The following C1QTNF3 variants were observed in gnomAD, a reference collection of about 807,000 sequenced individuals.
C1QTNF3 encodes the protein C1q and TNF related 3, also known as complement C1q tumor necrosis factor-related protein 3.
A neutral mutation model predicts 32.6 loss-of-function variants in C1QTNF3; 26 were observed. The ratio of observed to expected loss-of-function variants is 0.80; its 90% confidence interval spans 0.58 to 1.11. The LOEUF is 1.11. C1QTNF3 is among the 50% of genes least tolerant of loss of function. The pLI, the probability that C1QTNF3 is intolerant of heterozygous loss-of-function variation, is 0.00. For synonymous variants in C1QTNF3, 155 were observed against 146.0 expected (o/e 1.06, Z -0.44); for missense variants, 362 against 398.2 (o/e 0.91, Z 0.77).
the C1QTNF3 span, among the ~76,000 whole-genome samples, chr5:34,100,001 G>A: frequency 6.6e-6 from 1 of 152,024 alleles, no homozygotes; most frequent in African/African-American, 2.4e-5. Flanking sequence ...CTTTGTGCCA[G>A]TGTAACAAAG....
At chr5:34,171,531 T>G in the C1QTNF3 span, among the ~76,000 whole-genome samples, 1 of 152,060 alleles carries the variant, frequency 6.6e-6, no homozygotes, top group African/African-American at 2.4e-5. Context: ...TATACTGCAG[T>G]AATAAATAAC....
chr5:34,154,745 G>C, the C1QTNF3 span, among the ~76,000 whole-genome samples: 1 of 152,276 alleles, frequency 6.6e-6, no homozygotes, highest in East Asian at 1.9e-4. Flanking sequence ...TAAAGAGAGA[G>C]AGAGCTAGAG....
At chr5:34,072,393 G>GA in the C1QTNF3 span, among the ~76,000 whole-genome samples, 1 of 150,884 alleles carries the variant, frequency 6.6e-6, no homozygotes, top group Non-Finnish European at 1.5e-5. Context: ...AAGAAAGAAA[G>GA]AAAGAAAGAA....
chr5:34,023,757 G>A, intron 5 of C1QTNF3, 152 bp downstream of exon 5: 1 of 523,618 alleles, frequency 1.9e-6, no homozygotes, highest in East Asian at 2.9e-5. Flanking sequence ...CAATAATGAT[G>A]ATAATGTGGC....
chr5:34,126,112 TCAGA>T, the C1QTNF3 span, among the ~76,000 whole-genome samples: 3 of 152,230 alleles, frequency 2.0e-5, no homozygotes, highest in Admixed American at 1.3e-4. Context: ...AATGTTCTAC[TCAGA>T]CAGAAAGTAA....
chr5:34,029,839 T>C (rs1754566532), intron 3 of C1QTNF3, among the ~76,000 whole-genome samples: 2 of 152,224 alleles, frequency 1.3e-5, no homozygotes, highest in Admixed American at 6.5e-5. Flanking sequence ...TAGGATAGAT[T>C]GTCATTCATG....
At chr5:34,116,573 C>T in the C1QTNF3 span, among the ~76,000 whole-genome samples, 1 of 132,104 alleles carries the variant, frequency 7.6e-6, no homozygotes. Context: ...GTCCCTCCTT[C>T]TATCTAGCAA....
chr5:34,190,626 T>A, the C1QTNF3 span: 1 of 716,368 alleles, frequency 1.4e-6, no homozygotes, highest in African/African-American at 1.7e-5. Context: ...CTAGGCCCCG[T>A]AGACGCAAGA....
chr5:34,055,244 T>C, the C1QTNF3 span, among the ~76,000 whole-genome samples: 1 of 152,232 alleles, frequency 6.6e-6, no homozygotes, highest in South Asian at 2.1e-4. Flanking sequence ...GTAGGAGTTA[T>C]CCAATTATCT....
chr5:34,130,231 G>C, the C1QTNF3 span, among the ~76,000 whole-genome samples: 1 of 151,884 alleles, frequency 6.6e-6, no homozygotes, highest in Non-Finnish European at 1.5e-5. Flanking sequence ...GGATAGGGAT[G>C]ACAACTTACA....
intron 3 of C1QTNF3, among the ~76,000 whole-genome samples, chr5:34,032,017 C>A (rs1304973613): frequency 6.6e-6 from 1 of 152,194 alleles, no homozygotes; most frequent in African/African-American, 2.4e-5. Flanking sequence ...GCAAGAATCG[C>A]TTTATAGTCT....
the C1QTNF3 span, among the ~76,000 whole-genome samples, chr5:34,074,621 G>A: frequency 1.3e-5 from 2 of 151,606 alleles, no homozygotes; most frequent in African/African-American, 4.9e-5. Flanking sequence ...ATCACGTAAA[G>A]CAAATGCTCT....
At chr5:34,168,166 A>G in the C1QTNF3 span, 2 of 152,052 alleles carry the variant, frequency 1.3e-5, no homozygotes, top group African/African-American at 4.8e-5. Context: ...TGATGCTTTT[A>G]AATTTTAATA....
At chr5:34,069,888 A>G in the C1QTNF3 span, among the ~76,000 whole-genome samples, 1 of 152,322 alleles carries the variant, frequency 6.6e-6, no homozygotes, top group African/African-American at 2.4e-5. Context: ...CACATAGAAC[A>G]GAGGTATTGT....
At chr5:34,136,838 T>C in the C1QTNF3 span, among the ~76,000 whole-genome samples, 4 of 152,148 alleles carry the variant, frequency 2.6e-5, no homozygotes, top group African/African-American at 9.7e-5. Context: ...GATGAGTTCA[T>C]GTCCTTTGCA....
the C1QTNF3 span, among the ~76,000 whole-genome samples, chr5:34,051,881 C>T: frequency 5.3e-5 from 8 of 152,228 alleles, no homozygotes; most frequent in Non-Finnish European, 1.0e-4. Context: ...CCTTCACTTA[C>T]TTTGGTGGCC....
At chr5:34,140,492 T>C in the C1QTNF3 span, among the ~76,000 whole-genome samples, 3 of 152,222 alleles carry the variant, frequency 2.0e-5, no homozygotes, top group East Asian at 1.9e-4. Flanking sequence ...TAAAACTTGT[T>C]AAAGATGATA....
chr5:34,174,201 G>C, the C1QTNF3 span, among the ~76,000 whole-genome samples: 1 of 152,170 alleles, frequency 6.6e-6, no homozygotes, highest in African/African-American at 2.4e-5. Flanking sequence ...GGGACTACAG[G>C]TGCTCACCAC....
chr5:34,237,523 A>C, the C1QTNF3 span, among the ~76,000 whole-genome samples: 1 of 152,196 alleles, frequency 6.6e-6, no homozygotes. Flanking sequence ...TAATATTCAA[A>C]AATGTTACAA....
Sources: gnomAD v4.1 joint callset for allele counts (sites outside exome capture counted in the v4.1 genomes callset) on GRCh38, gnomAD v4.1.1 for gene constraint, MANE v1.5 for transcripts, NCBI Gene and HGNC (gene_info 2026-07-23, HGNC 2026-07-21) for gene names.